PGM2L1: variants seen among roughly 807,000 people sequenced by gnomAD.
PGM2L1 encodes the protein glucose 1,6-bisphosphate synthase.
A neutral mutation model predicts 73.4 loss-of-function variants in PGM2L1; 35 were observed. That is an observed-to-expected ratio of 0.48 (90% CI 0.36 to 0.63). PGM2L1 has a LOEUF of 0.63. PGM2L1 is among the 30% of genes least tolerant of loss of function. The pLI, the probability that PGM2L1 is intolerant of heterozygous loss-of-function variation, is 0.00. For missense variants in PGM2L1, 570 were observed against 742.0 expected, an observed-to-expected ratio of 0.77 and a Z score of 2.69; for synonymous variants, 225 against 253.8, an observed-to-expected ratio of 0.89 and a Z score of 1.08.
chr11:74,353,184 G>T (rs611901), intron 5 of PGM2L1, among the ~76,000 whole-genome samples: 47,200 of 129,942 alleles, frequency 0.36, 9,310 homozygotes, highest in East Asian at 0.68. Flanking sequence ...ATGTTTTTTT[G>T]TGTGTGTGTG....
At chr11:74,355,009 G>A in intron 5 of PGM2L1, 4 of 1,270,316 alleles carry the variant, frequency 3.1e-6, no homozygotes, top group Non-Finnish European at 4.5e-6. Flanking sequence ...GAGATGGCTA[G>A]TGCTTCATCC....
At chr11:74,383,623 G>T (rs990136212) in intron 1 of PGM2L1, among the ~76,000 whole-genome samples, 2 of 151,714 alleles carry the variant, frequency 1.3e-5, no homozygotes, top group East Asian at 1.9e-4. Flanking sequence ...ACAGGCCCCA[G>T]TGTGTGTTGT....
rs1862090275 is a variant in PGM2L1, at chr11:74,336,027, A to C, written c.*625T>G. 1 of 152,424 alleles carries C rather than the reference A, an allele frequency of 6.6e-6. No homozygotes were observed. Among genetic ancestry groups the C allele is most frequent in the African/African-American group, 2.4e-5 (1 of 41,460 alleles). The allele number at this position is 152,424 out of a possible 1,614,324, so 9.4% of individuals were successfully genotyped here. A position where few individuals can be genotyped will look rare whatever the true frequency, so the allele number is the denominator to read the frequency against. On this transcript the variant is annotated 3_prime_UTR_variant, in exon 14 of 14. Coordinates refer to ENST00000298198, the MANE Select transcript of PGM2L1 (RefSeq NM_173582.6). ...ATGTTCAGTAAACATCAGAATTTTAAATACATACAGTAAATTTATACTGCA... is the reference window on the plus strand; with the variant it reads ...ATGTTCAGTAAACATCAGAATTTTACATACATACAGTAAATTTATACTGCA...
intron 2 of PGM2L1, among the ~76,000 whole-genome samples, chr11:74,373,724 T>C (rs923772581): frequency 2.0e-5 from 3 of 152,250 alleles, no homozygotes; most frequent in African/African-American, 4.8e-5. Flanking sequence ...ATACTCTGGT[T>C]AACCTTTATA....
intron 1 of PGM2L1, among the ~76,000 whole-genome samples, chr11:74,391,132 C>G (rs1387330923): frequency 6.6e-6 from 1 of 151,976 alleles, no homozygotes; most frequent in East Asian, 1.9e-4. Context: ...TCTTTCCTTG[C>G]TTATTTGGGT....
intron 5 of PGM2L1, among the ~76,000 whole-genome samples, chr11:74,364,565 C>T (rs1257343495): frequency 2.0e-5 from 3 of 152,034 alleles, no homozygotes; most frequent in Admixed American, 6.6e-5. Flanking sequence ...TCTTATACAC[C>T]AATAACAGAC....
chr11:74,343,496 C>T, intron 9 of PGM2L1, 80 bp from the exon 10 acceptor site: 1 of 1,548,688 alleles, frequency 6.5e-7, no homozygotes, highest in Non-Finnish European at 8.7e-7. Flanking sequence ...ACTACATGCA[C>T]ACAACGTTCA....
intron 1 of PGM2L1, among the ~76,000 whole-genome samples, chr11:74,388,174 C>G (rs1329982739): frequency 1.3e-5 from 2 of 151,934 alleles, no homozygotes; most frequent in Non-Finnish European, 2.9e-5. Context: ...TGGAGAGTTG[C>G]TAAGCAAGAG....
At chr11:74,378,784 TA>T (rs551533483) in intron 1 of PGM2L1, among the ~76,000 whole-genome samples, 60 of 152,174 alleles carry the variant, frequency 3.9e-4, no homozygotes, top group African/African-American at 1.4e-3. Flanking sequence ...CAAAACCACT[TA>T]AAAAAATTAA....
chr11:74,355,556 A>G, intron 5 of PGM2L1: 1 of 213,500 alleles, frequency 4.7e-6, no homozygotes, highest in Non-Finnish European at 8.2e-6. Context: ...TCCGTCTCAA[A>G]AAAAAAAAAA....
chr11:74,396,373 C>T (rs2134961276), intron 1 of PGM2L1, among the ~76,000 whole-genome samples: 1 of 151,924 alleles, frequency 6.6e-6, no homozygotes, highest in East Asian at 1.9e-4. Context: ...GGTCCACAGA[C>T]CAGCAGCATT....
chr11:74,359,434 T>TAC (rs151044240), intron 5 of PGM2L1, among the ~76,000 whole-genome samples: 3,456 of 151,200 alleles, frequency 0.023, 126 homozygotes, highest in African/African-American at 0.08. Flanking sequence ...TATATACACA[T>TAC]ACACACACAC....
chr11:74,377,203 C>T (rs752877013), intron 1 of PGM2L1, among the ~76,000 whole-genome samples: 1 of 150,784 alleles, frequency 6.6e-6, no homozygotes, highest in South Asian at 2.1e-4. Context: ...GGCGCGATCT[C>T]GGCTCACTGC....
chr11:74,398,075 G>A lies in PGM2L1; in HGVS notation c.87C>T (p.Ile29=), dbSNP rs1863207294. The A allele has an allele frequency of 6.2e-7, 1 of 1,611,828 alleles. No individual in the cohort carries two copies. The highest frequency in any genetic ancestry group is 1.3e-5 in the African/African-American group (1 of 75,042). The change falls in exon 1 of 14, where the codon ATC becomes ATT. Residue 29 remains isoleucine (I), a synonymous_variant. Coordinates refer to ENST00000298198, the MANE Select transcript of PGM2L1 (RefSeq NM_173582.6). ...HTGDPQLDTA[I]GQWLRWDKNP... ...CCTTATCCCAGCGGAGCCACTGCCC[G>A]ATGGCCGTGTCCAGCTGAGGGTCCC...
intron 1 of PGM2L1, among the ~76,000 whole-genome samples, chr11:74,375,266 A>C (rs545615159): frequency 6.6e-6 from 1 of 152,348 alleles, no homozygotes; most frequent in South Asian, 2.1e-4. Flanking sequence ...GAGGCAGTGC[A>C]TGCCAACATC....
Position 74,398,176 on chromosome 11 carries a change from C to T in PGM2L1, c.-15G>A. The T allele has an allele frequency of 3.1e-6, 5 of 1,601,712 alleles. No homozygotes were observed. Among genetic ancestry groups the T allele is most frequent in the Non-Finnish European group, 4.3e-6 (5 of 1,173,318 alleles). On this transcript the variant is annotated 5_prime_UTR_variant, in exon 1 of 14. Transcript: ENST00000298198. ...TTTTCAGCCATGGCGACCAGACAGGCGTACGGGCCGGGGGCCGGCGAAGAC... is the reference window on the plus strand; with the variant it reads ...TTTTCAGCCATGGCGACCAGACAGGTGTACGGGCCGGGGGCCGGCGAAGAC...
chr11:74,374,052 C>CAAAAAAAAAA (rs60395088), intron 2 of PGM2L1, among the ~76,000 whole-genome samples: 1 of 85,636 alleles, frequency 1.2e-5, no homozygotes, highest in Non-Finnish European at 2.2e-5. Context: ...TTTATAAAGC[C>CAAAAAAAAAA]AAAAAAAAAA....
chr11:74,372,744 G>A (rs1862788776), intron 2 of PGM2L1, among the ~76,000 whole-genome samples: 1 of 152,142 alleles, frequency 6.6e-6, no homozygotes, highest in African/African-American at 2.4e-5. Context: ...ATTTATTGAA[G>A]ACCTATTATA....
intron 1 of PGM2L1, among the ~76,000 whole-genome samples, chr11:74,391,400 T>A (rs1433670592): frequency 6.6e-6 from 1 of 152,034 alleles, no homozygotes; most frequent in East Asian, 1.9e-4. Context: ...CATCTAGGAT[T>A]TCTTTACATT....
Sources: gnomAD v4.1 joint callset for allele counts (sites outside exome capture counted in the v4.1 genomes callset) on GRCh38, gnomAD v4.1.1 for gene constraint, MANE v1.5 for transcripts, NCBI Gene and HGNC (gene_info 2026-07-23, HGNC 2026-07-21) for gene names.